The following TMX3 variants were observed in gnomAD, a reference collection of about 807,000 sequenced individuals.
The protein encoded by TMX3 is thioredoxin related transmembrane protein 3, also known as protein disulfide-isomerase TMX3.
TMX3 carries 40 observed loss-of-function variants against 64.4 expected under a neutral mutation model. That is an observed-to-expected ratio of 0.62 (90% CI 0.48 to 0.81). The LOEUF is 0.81. Among genes scored for constraint, TMX3 ranks in the 30% least tolerant of loss-of-function variants. The probability of loss-of-function intolerance (pLI) is 0.00; values close to 1 mark genes in which losing one functional copy is unlikely to be tolerated. For missense variants in TMX3, 497 were observed against 534.5 expected (o/e 0.93, Z 0.69); for synonymous variants, 189 against 175.7 (o/e 1.08, Z -0.60).
intron 10 of TMX3, chr18:68,686,976 A>G (rs771713424): frequency 1.5e-5 from 15 of 983,148 alleles, no homozygotes; most frequent in Non-Finnish European, 1.8e-5. Context: ...TATTACTTAC[A>G]TTAAAAAAAA....
Position 68,680,984 on chromosome 18 carries a change from T to C in TMX3, c.1032A>G (p.Val344=). ...GAAACAGAAGTGAACAACTTACTTCTACTGTGCCATCCAAAATGTTATTAA... is the reference window on the plus strand; with the variant it reads ...GAAACAGAAGTGAACAACTTACTTCCACTGTGCCATCCAAAATGTTATTAA... ...QFINNILDGT[V]EAQGGDSILQ... is the part of the protein sequence containing the mutation. Residue 344 remains valine, a synonymous_variant, in exon 14 of 16, where the codon GTA becomes GTG. Transcript: ENST00000299608. 6.3e-7 allele frequency: 1 copy of C among 1,587,088 alleles called. No homozygotes were observed. The highest frequency in any genetic ancestry group is 8.6e-7 in the Non-Finnish European group (1 of 1,168,326).
intron 8 of TMX3, among the ~76,000 whole-genome samples, chr18:68,692,612 T>C (rs1475386371): frequency 2.0e-5 from 3 of 152,188 alleles, no homozygotes; most frequent in African/African-American, 7.2e-5. Flanking sequence ...TTTGCACTTA[T>C]TTGAGAATCA....
At chr18:68,708,665 T>C (rs1393724023) in intron 4 of TMX3, among the ~76,000 whole-genome samples, 1 of 152,162 alleles carries the variant, frequency 6.6e-6, no homozygotes, top group Non-Finnish European at 1.5e-5. Context: ...TCCTAAAAGC[T>C]GCTGACAAAA....
chr18:68,697,916 T>TAA lies in TMX3; in HGVS notation c.492+14_492+15dup. 1 of 1,537,414 alleles carries TAA rather than the reference T, an allele frequency of 6.5e-7. No homozygotes were observed. The highest frequency in any genetic ancestry group is 9.0e-7 in the Non-Finnish European group (1 of 1,116,414). On this transcript the variant is annotated intron_variant, in intron 7 of 15. Transcript: ENST00000299608. ...TTACAATACATCTGTTTTTGTGGAT[T>TAA]AAAAAAAAGTCTTACTTTCAAAGGT... is the stretch of plus-strand genomic sequence containing the variant.
At position 68,681,436 on chromosome 18, in the gene TMX3, C is replaced by G. The variant is rs1475752888; in HGVS notation, c.906-326G>C. ...CTGCACAATTCAAACTTATGTTGTT[C>G]AACGGTCAACAGTCCCTTTAATAAT... On this transcript the variant is annotated intron_variant, in intron 13 of 15. Coordinates refer to ENST00000299608, the MANE Select transcript of TMX3 (RefSeq NM_019022.5). 5.1e-6 allele frequency: 5 copies of G among 979,620 alleles called. No individual in the cohort carries two copies. In the Middle Eastern group the frequency reaches 2.1e-3, roughly 402 times the overall value. 60.7% of individuals were successfully genotyped at this position (979,620 alleles called of 1,614,324 possible).
At chr18:68,682,303 G>A (rs1484306750) in intron 13 of TMX3, among the ~76,000 whole-genome samples, 1 of 152,108 alleles carries the variant, frequency 6.6e-6, no homozygotes, top group Non-Finnish European at 1.5e-5. Context: ...TCAGTACAGG[G>A]TTTGGTAAAT....
rs556578490 is a variant in TMX3 at position 68,673,930 on chromosome 18, G to A, written c.*3003C>T. On this transcript the variant is annotated 3_prime_UTR_variant, in exon 16 of 16. Coordinates refer to ENST00000299608, the MANE Select transcript of TMX3 (RefSeq NM_019022.5). ...ATTGATAGTCTTAATATCCTACACT[G>A]GTTTATTTGATCATTTAATGCATAA... 2.0e-5 allele frequency: 3 copies of A among 152,120 alleles called. No individual in the cohort carries two copies. The highest frequency in any genetic ancestry group is 7.2e-5 in the African/African-American group (3 of 41,516). 9.4% of individuals were successfully genotyped at this position (152,120 alleles called of 1,614,324 possible). A position where few individuals can be genotyped will look rare whatever the true frequency, so the allele number is the denominator to read the frequency against.
intron 15 of TMX3, among the ~76,000 whole-genome samples, chr18:68,678,687 G>A (rs917554363): frequency 1.3e-5 from 2 of 152,158 alleles, no homozygotes; most frequent in Admixed American, 6.6e-5. Flanking sequence ...AGAGGTGACA[G>A]TGAAGAAAGT....
intron 4 of TMX3, among the ~76,000 whole-genome samples, chr18:68,704,092 C>G (rs552437616): frequency 1.3e-5 from 2 of 152,154 alleles, no homozygotes; most frequent in East Asian, 3.9e-4. Context: ...TACTACTCAT[C>G]TCGTAGGGCT....
intron 15 of TMX3, among the ~76,000 whole-genome samples, chr18:68,679,022 T>A (rs1913182888): frequency 6.6e-6 from 1 of 152,148 alleles, no homozygotes; most frequent in Non-Finnish European, 1.5e-5. Context: ...ATGTTTAAAA[T>A]TGTAAGATCT....
chr18:68,701,406 A>G (rs1319021491), intron 5 of TMX3, among the ~76,000 whole-genome samples: 1 of 152,124 alleles, frequency 6.6e-6, no homozygotes, highest in African/African-American at 2.4e-5. Context: ...TACAGATTAG[A>G]GTATCATCAA....
chr18:68,700,489 T>TAAAA lies in TMX3; in HGVS notation c.312-8_312-5dup. The TAAAA allele has an allele frequency of 8.6e-7, 1 of 1,169,014 alleles. No homozygotes were observed. Among genetic ancestry groups the TAAAA allele is most frequent in the South Asian group, 1.7e-5 (1 of 57,378 alleles). 72.4% of individuals were successfully genotyped at this position (1,169,014 alleles called of 1,614,324 possible). A position where few individuals can be genotyped will look rare whatever the true frequency, so the allele number is the denominator to read the frequency against. The stretch of plus-strand genomic sequence containing the variant: ...ATATGCCAAGTCCCCTTTTAATCTT[T>TAAAA]AAAAAAAAAAAAAAATTAAAACCTG... On this transcript the variant is annotated splice_region_variant and splice_polypyrimidine_tract_variant and intron_variant, in intron 5 of 15. Coordinates refer to ENST00000299608, the MANE Select transcript of TMX3 (RefSeq NM_019022.5).
intron 8 of TMX3, among the ~76,000 whole-genome samples, chr18:68,693,007 G>A (rs1914671295): frequency 6.6e-6 from 1 of 152,170 alleles, no homozygotes; most frequent in Admixed American, 6.6e-5. Flanking sequence ...TGAGGGCTTA[G>A]CATAAATTCT....
chr18:68,677,069 T>C lies in TMX3; in HGVS notation c.1229A>G (p.Tyr410Cys), dbSNP rs762300569. The C allele has an allele frequency of 1.2e-6, 2 of 1,613,756 alleles. No individual in the cohort carries two copies. Among genetic ancestry groups the C allele is most frequent in the Non-Finnish European group, 8.5e-7 (1 of 1,179,830 alleles). The change falls in exon 16 of 16, where the codon TAT becomes TGT. Residue 410 changes from tyrosine to cysteine, a missense_variant. Physicochemically the swap from Tyr to Cys is radical, Grantham distance 194. Around this residue, in one of 3 missense-constraint regions of TMX3, gnomAD observed 94 missense variants for 75.8 expected, o/e 1.24. Coordinates refer to ENST00000299608, the MANE Select transcript of TMX3 (RefSeq NM_019022.5). ...TTCATTTTCACTTTTAGACACTTCA[T>C]ATCGTTCTTCTATATAACCTCCATC... is the stretch of plus-strand genomic sequence containing the variant. ...DTDGGYIEER[Y>C]EVSKSENENQ...
At chr18:68,713,158 G>T (rs778349460) in intron 2 of TMX3, among the ~76,000 whole-genome samples, 3 of 152,102 alleles carry the variant, frequency 2.0e-5, no homozygotes, top group Non-Finnish European at 4.4e-5. Flanking sequence ...CTTTATGGGG[G>T]GTGAGAGAGA....
At chr18:68,713,988 C>T (rs1310879899) in intron 1 of TMX3, 88 bp from the exon 2 acceptor site, 1 of 805,746 alleles carries the variant, frequency 1.2e-6, no homozygotes, top group South Asian at 2.7e-5. Flanking sequence ...GTGTTTTTGA[C>T]CTTTCACAAC....
Position 68,675,275 on chromosome 18 carries a change from G to T in TMX3, c.*1658C>A, listed in dbSNP as rs572586395. 41 of 152,010 alleles carry T rather than the reference G, an allele frequency of 2.7e-4. No individual in the cohort carries two copies. The highest frequency in any genetic ancestry group is 8.2e-4 in the African/African-American group (34 of 41,514). The allele number at this position is 152,010 out of a possible 1,614,324, so 9.4% of individuals were successfully genotyped here. On this transcript the variant is annotated 3_prime_UTR_variant, in exon 16 of 16. Coordinates refer to ENST00000299608, the MANE Select transcript of TMX3 (RefSeq NM_019022.5). The stretch of plus-strand genomic sequence containing the variant: ...GTTAAATTAACAGCATTTATCTCTG[G>T]TTTCCACTTAATATCATTTCACTCT...
At chr18:68,701,013 A>C (rs2030006656) in intron 5 of TMX3, 1 of 985,096 alleles carries the variant, frequency 1.0e-6, no homozygotes, top group Non-Finnish European at 1.2e-6. Flanking sequence ...GTGCCTAATT[A>C]ACTAAAATTT....
intron 13 of TMX3, 95 bp from the exon 14 acceptor site, chr18:68,681,205 G>A: frequency 9.1e-7 from 1 of 1,101,084 alleles, no homozygotes; most frequent in Non-Finnish European, 1.2e-6. Flanking sequence ...AATTATAGAA[G>A]CTATTTAACA....
Sources: allele counts gnomAD v4.1 joint callset (sites outside exome capture counted in the v4.1 genomes callset), GRCh38; gene constraint gnomAD v4.1.1; regional missense constraint gnomAD v4.1.1; transcripts MANE v1.5; gene names NCBI Gene and HGNC (gene_info 2026-07-23, HGNC 2026-07-21).